Variants in PRSS54 observed in about 807,000 individuals in gnomAD.
PRSS54 encodes serine protease 54.
A neutral mutation model predicts 19.9 loss-of-function variants in PRSS54; 16 were observed. The ratio of observed to expected loss-of-function variants is 0.80; its 90% CI spans 0.54 to 1.22. The LOEUF (loss-of-function observed/expected upper bound fraction) is 1.22. Ranked by LOEUF, PRSS54 falls within the 50% of genes most tolerant of loss-of-function variation. The pLI is 0.00. For synonymous variants in PRSS54, 177 were observed against 195.8 expected (o/e 0.90, Z 0.80); for missense variants, 444 against 494.8 (o/e 0.90, Z 0.97).
At position 58,280,469 on chromosome 16, in the gene PRSS54, C is replaced by T; in HGVS notation, c.943G>A (p.Gly315Arg). The part of the protein sequence containing the change: ...ELGHVGSYLQ[G>R]QRRTITHSRL... ...GAATGCGTGATGGTCCTTCTTTGTC[C>T]CTGCAAGTATGATCCAACATGGCCC... The change falls in exon 7 of 7, where the codon GGA becomes AGA. Residue 315 changes from glycine (G) to arginine (R), a missense_variant. Gly to Arg is a moderately radical substitution (Grantham distance 125). Transcript: ENST00000567164. 1 of 1,614,160 alleles carries T rather than the reference C, an allele frequency of 6.2e-7. No individual in the cohort carries two copies. Among genetic ancestry groups the T allele is most frequent in the Non-Finnish European group, 8.5e-7 (1 of 1,180,038 alleles).
At chr16:58,283,867 C>G (rs1291393585) in intron 6 of PRSS54, 1 of 152,096 alleles carries the variant, frequency 6.6e-6, no homozygotes, top group Non-Finnish European at 1.5e-5. Context: ...TTTCCCCTTG[C>G]TCTAAAAATC....
At chr16:58,291,804 T>C (rs1297869622) in intron 3 of PRSS54, among the ~76,000 whole-genome samples, 1 of 152,198 alleles carries the variant, frequency 6.6e-6, no homozygotes, top group African/African-American at 2.4e-5. Context: ...TTCATAAGAA[T>C]GTGAAGACAT....
rs1567515100 is a variant in PRSS54, at chr16:58,286,188, T to C, written c.271A>G (p.Ile91Val). 1.9e-6 allele frequency: 3 copies of C among 1,613,968 alleles called. No individual in the cohort carries two copies. The South Asian group carries it at 3.3e-5, about 18-fold the overall frequency. The stretch of plus-strand genomic sequence containing the variant: ...TTACTTATACCCACTATAACGACAA[T>C]GTCCTTCCTGGAGAGAGAGCAAGGG... Reference protein sequence around the residue: ...IASAIQNRKDIVVIVGISNMD... With the variant: ...IASAIQNRKDVVVIVGISNMD... Residue 91 changes from isoleucine (I) to valine (V), a missense_variant, in exon 5 of 7, where the codon ATT becomes GTT. By Grantham distance (29) the Ile-to-Val change is conservative (BLOSUM62 3). Coordinates refer to ENST00000567164, the MANE Select transcript of PRSS54 (RefSeq NM_001305173.2).
intron 6 of PRSS54, 125 bp downstream of exon 6, chr16:58,284,465 C>G: frequency 1.9e-6 from 2 of 1,059,972 alleles, no homozygotes; most frequent in Non-Finnish European, 2.8e-6. Flanking sequence ...ACTCCAGAGA[C>G]AGCCACTCAT....
At position 58,286,183 on chromosome 16, in the gene PRSS54, G is replaced by T; in HGVS notation, c.276C>A (p.Val92=). 1 of 1,614,070 alleles carries T rather than the reference G, an allele frequency of 6.2e-7. No homozygotes were observed. The highest frequency in any genetic ancestry group is 1.1e-5 in the South Asian group (1 of 91,038). Residue 92 remains valine, a synonymous_variant, in exon 5 of 7, where the codon GTC becomes GTA. Transcript: ENST00000567164. ...CCATGTTACTTATACCCACTATAACGACAATGTCCTTCCTGGAGAGAGAGC... is the reference window on the plus strand; with the variant it reads ...CCATGTTACTTATACCCACTATAACTACAATGTCCTTCCTGGAGAGAGAGC... ...ASAIQNRKDI[V]VIVGISNMDP... is the part of the protein sequence containing the mutation.
In PRSS54 at chr16:58,280,451, T is replaced by C; in HGVS notation, c.961A>G (p.Thr321Ala). 6.2e-7 allele frequency: 1 copy of C among 1,614,134 alleles called. No homozygotes were observed. ...SYLQGQRRTITHSRLGNSSRD... is the reference protein window; with the variant it reads ...SYLQGQRRTIAHSRLGNSSRD... ...GAGCTGTTTCCTAGTCGTGAATGCG[T>C]GATGGTCCTTCTTTGTCCCTGCAAG... The change falls in exon 7 of 7, where the codon ACG becomes GCG. Residue 321 changes from threonine (T) to alanine (A), a missense_variant. Coordinates refer to ENST00000567164, the MANE Select transcript of PRSS54 (RefSeq NM_001305173.2).
chr16:58,290,922 C>G (rs772369375), intron 4 of PRSS54, 37 bp downstream of exon 4: 41 of 1,607,658 alleles, frequency 2.6e-5, no homozygotes, highest in Non-Finnish European at 3.5e-5. Context: ...CCCTCACCCC[C>G]GGCGATGTTG....
Position 58,293,751 on chromosome 16 carries a change from G to A in PRSS54, c.66C>T (p.Gly22=), listed in dbSNP as rs1294564909. Residue 22 remains glycine, a synonymous_variant, in exon 3 of 7, where the codon GGC becomes GGT. Transcript: ENST00000567164. ...KMRGVLLVLL[G]LLYSSTSCGV... ...ACTCACTGGTGGAAGAATAGAGAAG[G>A]CCGAGCAGCACCAGGAGCACCCCTC... is the stretch of plus-strand genomic sequence containing the variant. 5 of 1,613,154 alleles carry A rather than the reference G, an allele frequency of 3.1e-6. No homozygotes were observed. Among genetic ancestry groups the A allele is most frequent in the Non-Finnish European group, 4.2e-6 (5 of 1,179,766 alleles).
chr16:58,288,506 A>G (rs1964967602), intron 4 of PRSS54, among the ~76,000 whole-genome samples: 1 of 152,198 alleles, frequency 6.6e-6, no homozygotes, highest in Admixed American at 6.5e-5. Context: ...AATCAAAACC[A>G]AAAGAATAGG....
At position 58,291,135 on chromosome 16, in the gene PRSS54, A is replaced by G; in HGVS notation, c.87T>C (p.Ser29=). Residue 29 remains serine, a splice_region_variant and synonymous_variant, in exon 4 of 7, where the codon AGT becomes AGC. Transcript: ENST00000567164. ...VLLGLLYSST[S]CGVQKASVFY... ...AAACGGAAGCTTTCTGGACGCCACAACCTGCGGAGCAGGTGCGGGGCCTCA... is the reference window on the plus strand; with the variant it reads ...AAACGGAAGCTTTCTGGACGCCACAGCCTGCGGAGCAGGTGCGGGGCCTCA... 1 of 1,613,638 alleles carries G rather than the reference A, an allele frequency of 6.2e-7. No homozygotes were observed. Among genetic ancestry groups the G allele is most frequent in the Middle Eastern group, 1.7e-4 (1 of 6,060 alleles).
At chr16:58,285,881 G>T in intron 5 of PRSS54, 56 bp downstream of exon 5, 1 of 1,598,404 alleles carries the variant, frequency 6.3e-7, no homozygotes. Context: ...GATTATCCAG[G>T]TCACCCCCAC....
intron 6 of PRSS54, among the ~76,000 whole-genome samples, chr16:58,284,154 G>C (rs1964854295): frequency 6.6e-6 from 1 of 152,006 alleles, no homozygotes; most frequent in Admixed American, 6.5e-5. Context: ...CAGTAGGACA[G>C]CCACATCCGT....
At chr16:58,294,393 C>G (rs1178713164) in intron 1 of PRSS54, among the ~76,000 whole-genome samples, 184 bp from the exon 2 acceptor site, 1 of 152,128 alleles carries the variant, frequency 6.6e-6, no homozygotes, top group Non-Finnish European at 1.5e-5. Context: ...GCTCCCTTGG[C>G]AGGCTGGAGT....
intron 6 of PRSS54, chr16:58,281,038 C>T (rs1964718905): frequency 2.5e-6 from 1 of 396,922 alleles, no homozygotes; most frequent in African/African-American, 2.0e-5. Context: ...GTCCTTTGGC[C>T]AAACCTTCCC....
At chr16:58,281,012 T>G (rs1964717357) in intron 6 of PRSS54, 1 of 472,068 alleles carries the variant, frequency 2.1e-6, no homozygotes, top group Non-Finnish European at 3.8e-6. Flanking sequence ...ATATTTCATT[T>G]TCTTGCCCCT....
At position 58,294,103 on chromosome 16, in the gene PRSS54, C is replaced by T; in HGVS notation, c.-125G>A. ...AGCTTACTCTTGTCAGTTTTCTTCT[C>T]AATCCAGCCCAAGCCCCTGAGCACC... On this transcript the variant is annotated 5_prime_UTR_variant, in exon 2 of 7. An upstream open reading frame in the 5' UTR loses its in-frame stop. Coordinates refer to ENST00000567164, the MANE Select transcript of PRSS54 (RefSeq NM_001305173.2). 1 of 410,752 alleles carries T rather than the reference C, an allele frequency of 2.4e-6. No individual in the cohort carries two copies. The highest frequency in any genetic ancestry group is 2.0e-5 in the African/African-American group (1 of 49,776). 25.4% of individuals were successfully genotyped at this position (410,752 alleles called of 1,614,324 possible). A position where few individuals can be genotyped will look rare whatever the true frequency, so the allele number is the denominator to read the frequency against.
chr16:58,283,226 A>T (rs369777221), intron 6 of PRSS54: 3 of 152,206 alleles, frequency 2.0e-5, no homozygotes, highest in Non-Finnish European at 4.4e-5. Flanking sequence ...TTGATTCTAC[A>T]TGTGGGAATT....
At chr16:58,286,225 G>A in intron 4 of PRSS54, 30 bp from the exon 5 acceptor site, 1 of 1,610,320 alleles carries the variant, frequency 6.2e-7, no homozygotes, top group Non-Finnish European at 8.5e-7. Flanking sequence ...ATCTTGAGAA[G>A]CCAAGACAGC....
At chr16:58,293,630 G>A (rs1182109876) in intron 3 of PRSS54, 102 bp downstream of exon 3, 21 of 1,537,004 alleles carry the variant, frequency 1.4e-5, no homozygotes, top group South Asian at 8.5e-5. Context: ...CATCTTCCCT[G>A]AGCCCCTCCT....
Sources: gnomAD v4.1 joint callset for allele counts (sites outside exome capture counted in the v4.1 genomes callset) on GRCh38, gnomAD v4.1.1 for gene constraint, MANE v1.5 for transcripts, NCBI Gene and HGNC (gene_info 2026-07-23, HGNC 2026-07-21) for gene names.